Variants in TMBIM6 observed in about 807,000 individuals in gnomAD.
TMBIM6 encodes transmembrane BAX inhibitor motif containing 6.
In TMBIM6, 13 loss-of-function variants were observed where a neutral mutation model predicts 31.4. The ratio of observed to expected loss-of-function variants is 0.41; its 90% CI spans 0.27 to 0.66. The LOEUF is 0.66. Among genes scored for constraint, TMBIM6 ranks in the 30% least tolerant of loss-of-function variants. TMBIM6 has a pLI of 0.28. For missense variants in TMBIM6, 275 were observed against 289.5 expected, an observed-to-expected ratio of 0.95 and a Z score of 0.36; for synonymous variants, 85 against 101.7, an observed-to-expected ratio of 0.84 and a Z score of 0.99.
intron 4 of TMBIM6, among the ~76,000 whole-genome samples, chr12:49,756,917 A>G (rs1248806498): frequency 6.6e-6 from 1 of 151,094 alleles, no homozygotes; most frequent in Non-Finnish European, 1.5e-5. Flanking sequence ...TTGTATTTTT[A>G]GTAGAGATGG....
Position 49,755,545 on chromosome 12 carries a change from A to G in TMBIM6, c.166-90A>G, listed in dbSNP as rs1472202312. On this transcript the variant is annotated intron_variant, in intron 3 of 9. Coordinates refer to ENST00000267115, the MANE Select transcript of TMBIM6 (RefSeq NM_003217.3). The stretch of plus-strand genomic sequence containing the variant: ...GTTATAAGCAAATGTTAGGAAGTTC[A>G]GACGAGTGTTTGAACCCAATAAAGG... 4 of 1,507,058 alleles carry G rather than the reference A, an allele frequency of 2.7e-6. No individual in the cohort carries two copies. The African/African-American group carries it at 5.6e-5, about 21-fold the overall frequency. 93.4% of individuals were successfully genotyped at this position (1,507,058 alleles called of 1,614,324 possible).
chr12:49,754,625 C>T (rs1462657950), intron 3 of TMBIM6, among the ~76,000 whole-genome samples: 1 of 152,154 alleles, frequency 6.6e-6, no homozygotes, highest in Non-Finnish European at 1.5e-5. Context: ...GATTTTATAA[C>T]ATAAACACTG....
At chr12:49,750,862 G>A (rs1945481729) in intron 1 of TMBIM6, among the ~76,000 whole-genome samples, 1 of 152,230 alleles carries the variant, frequency 6.6e-6, no homozygotes, top group African/African-American at 2.4e-5. Flanking sequence ...TTTGGGGACT[G>A]TAACTTTTAT....
intron 1 of TMBIM6, among the ~76,000 whole-genome samples, chr12:49,751,420 A>C (rs989520286): frequency 5.3e-5 from 8 of 152,188 alleles, no homozygotes; most frequent in African/African-American, 1.9e-4. Flanking sequence ...CAAATGTGAA[A>C]TATTAGCATT....
At chr12:49,751,565 T>A (rs1197899682) in intron 1 of TMBIM6, among the ~76,000 whole-genome samples, 1 of 152,040 alleles carries the variant, frequency 6.6e-6, no homozygotes, top group East Asian at 1.9e-4. Context: ...TTTATGGAGG[T>A]AGGAACCTCT....
chr12:49,743,043 G>A (rs1172593221), intron 1 of TMBIM6, among the ~76,000 whole-genome samples: 1 of 147,618 alleles, frequency 6.8e-6, no homozygotes, highest in Non-Finnish European at 1.5e-5. Context: ...AGAGTGCAGT[G>A]GCGCAGTCAT....
chr12:49,759,108 C>T, intron 7 of TMBIM6, 113 bp from the exon 8 acceptor site: 1 of 903,120 alleles, frequency 1.1e-6, no homozygotes, highest in Non-Finnish European at 1.8e-6. Flanking sequence ...TGGTAATGTT[C>T]ATAGGGTTCA....
At chr12:49,758,818 C>CTT (rs57007895) in intron 7 of TMBIM6, 56 bp downstream of exon 7, 10,787 of 1,150,644 alleles carry the variant, frequency 9.4e-3, no homozygotes, top group African/African-American at 0.018. Context: ...TCTTTCTTTC[C>CTT]TTTTTTTTTT....
chr12:49,747,815 A>G (rs1050243871), intron 1 of TMBIM6, among the ~76,000 whole-genome samples: 19 of 152,308 alleles, frequency 1.2e-4, no homozygotes, highest in African/African-American at 4.1e-4. Flanking sequence ...TTTGTTTTGC[A>G]TAGCTTTTGG....
At chr12:49,761,922 C>T (rs1207978986) in intron 9 of TMBIM6, 143 bp downstream of exon 9, 4 of 691,860 alleles carry the variant, frequency 5.8e-6, no homozygotes, top group Non-Finnish European at 6.9e-6. Flanking sequence ...AGAGGTAAGC[C>T]AGAAGTCTTC....
At chr12:49,752,749 T>A (rs1418502752) in intron 2 of TMBIM6, among the ~76,000 whole-genome samples, 200 bp downstream of exon 2, 1 of 152,244 alleles carries the variant, frequency 6.6e-6, no homozygotes, top group Non-Finnish European at 1.5e-5. Flanking sequence ...GGGTACTGAT[T>A]ATTCATAATT....
chr12:49,756,475 C>T (rs1945597873), intron 4 of TMBIM6, among the ~76,000 whole-genome samples: 1 of 138,244 alleles, frequency 7.2e-6, no homozygotes, highest in African/African-American at 2.7e-5. Flanking sequence ...GATGGAGTCT[C>T]ACCCTGTGGC....
At chr12:49,748,348 C>A (rs753571714) in intron 1 of TMBIM6, among the ~76,000 whole-genome samples, 1 of 152,216 alleles carries the variant, frequency 6.6e-6, no homozygotes, top group Non-Finnish European at 1.5e-5. Context: ...CTAAGAATGC[C>A]TGTCTCCTCC....
chr12:49,759,909 G>A (rs960634270), intron 8 of TMBIM6, among the ~76,000 whole-genome samples: 10 of 151,360 alleles, frequency 6.6e-5, no homozygotes. Context: ...TCAGGAGATC[G>A]AAACCATCCT....
At chr12:49,762,740 G>A (rs1452584375) in intron 9 of TMBIM6, 133 bp from the exon 10 acceptor site, 2 of 874,352 alleles carry the variant, frequency 2.3e-6, no homozygotes, top group Non-Finnish European at 3.7e-6. Flanking sequence ...TTCTTGCTGA[G>A]CTAAGGAAGC....
In TMBIM6 at chr12:49,758,719, C is replaced by T; in HGVS notation, c.470C>T (p.Ser157Phe). 1 of 1,613,910 alleles carries T rather than the reference C, an allele frequency of 6.2e-7. No individual in the cohort carries two copies. Among genetic ancestry groups the T allele is most frequent in the Non-Finnish European group, 8.5e-7 (1 of 1,180,022 alleles). The change falls in exon 7 of 10, where the codon TCT becomes TTT. Residue 157 changes from serine to phenylalanine, a missense_variant. Transcript: ENST00000267115. ...LMSALSLLLLSSLGNVFFGSI... is the reference protein window; with the variant it reads ...LMSALSLLLLFSLGNVFFGSI... ...TCAGCCCTGAGCTTGTTGCTTTTGTCTTCCCTGGGGAATGTTTTCTTTGGA... is the reference window on the plus strand; with the variant it reads ...TCAGCCCTGAGCTTGTTGCTTTTGTTTTCCCTGGGGAATGTTTTCTTTGGA...
At position 49,759,208 on chromosome 12, in the gene TMBIM6, T is replaced by C; in HGVS notation, c.514-13T>C. On this transcript the variant is annotated splice_polypyrimidine_tract_variant and intron_variant, in intron 7 of 9. Transcript: ENST00000267115. ...TTCTGCTGTATAGTAACTTCATCTCTTACATTTGTTAGGCAAACCTGTATG... is the reference window on the plus strand; with the variant it reads ...TTCTGCTGTATAGTAACTTCATCTCCTACATTTGTTAGGCAAACCTGTATG... 6.2e-7 allele frequency: 1 copy of C among 1,612,212 alleles called. No individual in the cohort carries two copies. Among genetic ancestry groups the C allele is most frequent in the Non-Finnish European group, 8.5e-7 (1 of 1,178,274 alleles).
At chr12:49,741,769 G>A (rs1249452991) in intron 1 of TMBIM6, 158 bp downstream of exon 1, 1 of 250,422 alleles carries the variant, frequency 4.0e-6, no homozygotes, top group African/African-American at 2.3e-5. Context: ...GGAAAACAGG[G>A]TGTGGAGGGA....
At chr12:49,753,496 A>T (rs1945534469) in intron 3 of TMBIM6, among the ~76,000 whole-genome samples, 1 of 152,234 alleles carries the variant, frequency 6.6e-6, no homozygotes, top group Admixed American at 6.5e-5. Context: ...TTATTTTCCG[A>T]TAACTGTTGT....
Sources: allele counts gnomAD v4.1 joint callset (sites outside exome capture counted in the v4.1 genomes callset), GRCh38; gene constraint gnomAD v4.1.1; transcripts MANE v1.5; gene names NCBI Gene and HGNC (gene_info 2026-07-23, HGNC 2026-07-21).